The following SRP14 variants were observed in gnomAD, a reference collection of about 807,000 sequenced individuals.
SRP14 encodes the protein signal recognition particle 14.
In SRP14, 1 loss-of-function variant was observed where a neutral mutation model predicts 16.0. The ratio of observed to expected loss-of-function variants is 0.06; its 90% CI spans 0.02 to 0.30. The LOEUF is 0.30. Among genes scored for constraint, SRP14 ranks in the 10% least tolerant of loss-of-function variants. The pLI is 1.00. For missense variants in SRP14, 120 were observed against 163.1 expected (o/e 0.74, Z 1.44); for synonymous variants, 67 against 60.1 (o/e 1.12, Z -0.53).
rs116995683 is a variant in SRP14, at chr15:40,038,774, G to A, written c.97+102C>T. 1,659 of 1,274,482 alleles carry A rather than the reference G, an allele frequency of 1.3e-3. 5 individuals are homozygous for A. The highest frequency in any genetic ancestry group is 1.8e-3 in the Non-Finnish European group (1,569 of 893,736). The allele number at this position is 1,274,482 out of a possible 1,614,324, so 78.9% of individuals were successfully genotyped here. A position where few individuals can be genotyped will look rare whatever the true frequency, so the allele number is the denominator to read the frequency against. On this transcript the variant is annotated intron_variant, in intron 2 of 4. Coordinates refer to ENST00000267884, the MANE Select transcript of SRP14 (RefSeq NM_003134.6). ...CCCGAATGTGCTCAGTACAGGGTGG[G>A]GAAAGGTAGAGGAAGGCGGCGGTCC...
At chr15:40,037,804 A>G (rs1207470865) in intron 3 of SRP14, among the ~76,000 whole-genome samples, 1 of 152,246 alleles carries the variant, frequency 6.6e-6, no homozygotes, top group East Asian at 1.9e-4. Flanking sequence ...ACTCAATTCA[A>G]GGAGCCTCTT....
At chr15:40,037,470 T>C (rs947557038) in intron 3 of SRP14, 18 of 668,084 alleles carry the variant, frequency 2.7e-5, no homozygotes, top group Non-Finnish European at 3.7e-5. Flanking sequence ...AATTCAAGCA[T>C]ATTTAAGCAC....
In SRP14 at chr15:40,038,303, C is replaced by T. The variant is rs2035661942; in HGVS notation, c.189G>A (p.Gly63=). Residue 63 remains glycine, a synonymous_variant, in exon 3 of 5, where the codon GGG becomes GGA. Coordinates refer to ENST00000267884, the MANE Select transcript of SRP14 (RefSeq NM_003134.6). ...TCACCACAGTGCTGATCTTCTTCTT[C>T]CCATCGGTAGCTCTTAACAGACACT... The part of the protein sequence containing the change: ...DNKCLLRATD[G]KKKISTVVSS... The T allele has an allele frequency of 6.2e-6, 10 of 1,613,520 alleles. No homozygotes were observed. Among genetic ancestry groups the T allele is most frequent in the Non-Finnish European group, 8.5e-6 (10 of 1,179,432 alleles).
intron 4 of SRP14, 112 bp from the exon 5 acceptor site, chr15:40,036,612 A>G: frequency 9.9e-7 from 1 of 1,014,284 alleles, no homozygotes; most frequent in South Asian, 1.5e-5. Context: ...AGAATATAGC[A>G]CCATTGGACA....
At chr15:40,037,171 A>G in intron 3 of SRP14, 153 bp from the exon 4 acceptor site, 3 of 1,225,480 alleles carry the variant, frequency 2.4e-6, no homozygotes, top group Non-Finnish European at 3.3e-6. Context: ...ACGAATGGTT[A>G]TTTTTCTACT....
chr15:40,037,278 G>GCAAAAA, intron 3 of SRP14: 1 of 193,392 alleles, frequency 5.2e-6, no homozygotes, highest in African/African-American at 1.5e-4. Flanking sequence ...CTCCTTTTGG[G>GCAAAAA]GAAAAAAAAA....
Position 40,039,180 on chromosome 15 carries a change from C to T in SRP14, c.-64G>A. On this transcript the variant is annotated 5_prime_UTR_variant, in exon 1 of 5. Transcript: ENST00000267884. ...TAGCAGTGAGAGCCGGAAGTTCGGC[C>T]TAGGCTGGGCGGGACTTCCGCTACT... 3.2e-6 allele frequency: 5 copies of T among 1,569,526 alleles called. No individual in the cohort carries two copies. Among genetic ancestry groups the T allele is most frequent in the Non-Finnish European group, 4.3e-6 (5 of 1,160,288 alleles).
At chr15:40,037,222 A>C in intron 3 of SRP14, 1 of 1,287,714 alleles carries the variant, frequency 7.8e-7, no homozygotes, top group Non-Finnish European at 1.0e-6. Flanking sequence ...GGAGCTCTGC[A>C]TCTTTTTCCA....
Position 40,039,168 on chromosome 15 carries a change from C to G in SRP14, c.-52G>C, listed in dbSNP as rs1326682316. 6.3e-7 allele frequency: 1 copy of G among 1,588,242 alleles called. No homozygotes were observed. The highest frequency in any genetic ancestry group is 8.5e-7 in the Non-Finnish European group (1 of 1,170,284). On this transcript the variant is annotated 5_prime_UTR_variant, in exon 1 of 5. Coordinates refer to ENST00000267884, the MANE Select transcript of SRP14 (RefSeq NM_003134.6). ...CGCTTAAGCCCCTAGCAGTGAGAGC[C>G]GGAAGTTCGGCCTAGGCTGGGCGGG...
chr15:40,036,938 C>G (rs1204910191), intron 4 of SRP14, 48 bp downstream of exon 4: 4 of 1,604,816 alleles, frequency 2.5e-6, no homozygotes, highest in East Asian at 4.5e-5. Flanking sequence ...CACTATCATA[C>G]TGACTCTTGC....
At chr15:40,037,680 GTA>G in intron 3 of SRP14, among the ~76,000 whole-genome samples, 1 of 23,560 alleles carries the variant, frequency 4.2e-5, no homozygotes, top group African/African-American at 9.5e-5. Flanking sequence ...TTGTTTTACT[GTA>G]GAAGTCCTCT....
intron 3 of SRP14, chr15:40,037,462 T>C (rs1478112678): frequency 1.4e-6 from 1 of 733,254 alleles, no homozygotes; most frequent in Non-Finnish European, 1.8e-6. Context: ...CTTCCATTAA[T>C]TCAAGCATAT....
chr15:40,039,172 A>G lies in SRP14; in HGVS notation c.-56T>C, dbSNP rs531659783. ...TAAGCCCCTAGCAGTGAGAGCCGGA[A>G]GTTCGGCCTAGGCTGGGCGGGACTT... On this transcript the variant is annotated 5_prime_UTR_variant, in exon 1 of 5. Coordinates refer to ENST00000267884, the MANE Select transcript of SRP14 (RefSeq NM_003134.6). The G allele has an allele frequency of 3.2e-6, 5 of 1,582,300 alleles. No individual in the cohort carries two copies. The Admixed American group carries it at 8.8e-5, about 28-fold the overall frequency.
chr15:40,037,638 A>G (rs558501902), intron 3 of SRP14, among the ~76,000 whole-genome samples: 1 of 19,470 alleles, frequency 5.1e-5, no homozygotes, highest in Non-Finnish European at 3.5e-4. Flanking sequence ...TTATTTCATG[A>G]TATCTAACTT....
At chr15:40,036,599 G>T (rs1234143240) in intron 4 of SRP14, 99 bp from the exon 5 acceptor site, 2 of 1,193,154 alleles carry the variant, frequency 1.7e-6, no homozygotes, top group Admixed American at 2.0e-5. Flanking sequence ...CAAAAATCAG[G>T]AAAGAATATA....
intron 3 of SRP14, among the ~76,000 whole-genome samples, chr15:40,037,683 GAAGTCCTCTCAAGATAACTCA>G (rs576953701): frequency 4.4e-5 from 1 of 22,708 alleles, no homozygotes; most frequent in African/African-American, 9.8e-5. Flanking sequence ...TTTTACTGTA[GAAGTCCTCTCAAGATAACTCA>G]AGACTTCCAA....
At chr15:40,037,050 A>G (rs754288629) in intron 3 of SRP14, 32 bp from the exon 4 acceptor site, 2 of 1,610,992 alleles carry the variant, frequency 1.2e-6, no homozygotes. Context: ...GGTCATACCT[A>G]TTATCCATAT....
At chr15:40,038,535 T>C (rs1371040865) in intron 2 of SRP14, 141 bp from the exon 3 acceptor site, 2 of 644,958 alleles carry the variant, frequency 3.1e-6, no homozygotes, top group Admixed American at 5.5e-5. Context: ...TCATCTGCTA[T>C]CACGGTCTGG....
At position 40,036,422 on chromosome 15, in the gene SRP14, C is replaced by G; in HGVS notation, c.322G>C (p.Ala108Pro). ...GCTGCTGCTGCTGCTGCTGCTGCTG[C>G]TTTGGTCTTCTTAGTTTTGTTCTTT... ...DKKNKTKKTK[A>P]AAAAAAAAPA... is the part of the protein sequence containing the mutation. Residue 108 changes from alanine (A) to proline (P), a missense_variant, in exon 5 of 5, where the codon GCA becomes CCA. Around this residue, in one of 3 missense-constraint regions of SRP14, gnomAD observed 43 missense variants for 37.0 expected, o/e 1.16. Coordinates refer to ENST00000267884, the MANE Select transcript of SRP14 (RefSeq NM_003134.6). 2 of 1,614,146 alleles carry G rather than the reference C, an allele frequency of 1.2e-6. No individual in the cohort carries two copies. Among genetic ancestry groups the G allele is most frequent in the Non-Finnish European group, 1.7e-6 (2 of 1,180,016 alleles).
Sources: allele counts gnomAD v4.1 joint callset (sites outside exome capture counted in the v4.1 genomes callset), GRCh38; gene constraint gnomAD v4.1.1; regional missense constraint gnomAD v4.1.1; transcripts MANE v1.5; gene names NCBI Gene and HGNC (gene_info 2026-07-23, HGNC 2026-07-21).